Variants in ATL2 observed in about 807,000 individuals in gnomAD.
The protein encoded by ATL2 is atlastin GTPase 2.
Under a neutral mutation model 73.9 loss-of-function variants are expected in ATL2, and 31 were observed. The ratio of observed to expected loss-of-function variants is 0.42; its 90% CI spans 0.32 to 0.57. ATL2 has a LOEUF of 0.57. Ranked by LOEUF, ATL2 falls within the 20% of genes least tolerant of loss-of-function variation. The pLI is 0.14. For synonymous variants in ATL2, 291 were observed against 237.5 expected (o/e 1.23, Z -2.07); for missense variants, 738 against 702.6 (o/e 1.05, Z -0.57).
chr2:38,296,789 A>G (rs1223007626), intron 12 of ATL2: 4 of 1,524,320 alleles, frequency 2.6e-6, no homozygotes, highest in African/African-American at 2.8e-5. Context: ...TACCTTACCT[A>G]AACTATACTG....
At position 38,318,970 on chromosome 2, in the gene ATL2, G is replaced by C; in HGVS notation, c.413C>G (p.Thr138Arg). ...GGNNEPLTGF[T>R]WRGGCERETT... The stretch of plus-strand genomic sequence containing the variant: ...TTCTCTTTCACAGCCACCTCGCCAT[G>C]TAAAGCCTGTCAATGGTTCATTGTT... Residue 138 changes from threonine to arginine, a missense_variant, in exon 3 of 13, where the codon ACA becomes AGA. Coordinates refer to ENST00000378954, the MANE Select transcript of ATL2 (RefSeq NM_001135673.4). 2 of 1,613,958 alleles carry C rather than the reference G, an allele frequency of 1.2e-6. No individual in the cohort carries two copies. Among genetic ancestry groups the C allele is most frequent in the Non-Finnish European group, 1.7e-6 (2 of 1,179,908 alleles).
In ATL2 at chr2:38,354,271, C is replaced by T. The variant is rs1670534222; in HGVS notation, c.119-10759G>A. The stretch of plus-strand genomic sequence containing the variant: ...TCTTCAGGCTGAAATGAAACATTAT[C>T]AAATGGAAAGTCTCTTTATTCCTTC... On this transcript the variant is annotated intron_variant, in intron 1 of 12. Coordinates refer to ENST00000378954, the MANE Select transcript of ATL2 (RefSeq NM_001135673.4). 1.8e-4 allele frequency: 55 copies of T among 307,234 alleles called. 1 individual carries two copies. The highest frequency in any genetic ancestry group is 1.3e-3 in the South Asian group (53 of 41,874). 19.0% of individuals were successfully genotyped at this position (307,234 alleles called of 1,614,324 possible).
At chr2:38,312,284 T>C (rs574826259) in intron 7 of ATL2, among the ~76,000 whole-genome samples, 3 of 152,212 alleles carry the variant, frequency 2.0e-5, no homozygotes, top group Admixed American at 6.5e-5. Flanking sequence ...AGGGGCCTGG[T>C]TGGAGGTGAT....
chr2:38,340,656 G>A (rs1180737152), intron 2 of ATL2, among the ~76,000 whole-genome samples: 1 of 152,074 alleles, frequency 6.6e-6, no homozygotes, highest in Non-Finnish European at 1.5e-5. Context: ...ACCTGTGCAG[G>A]CATACAGGTT....
chr2:38,371,847 A>C (rs901499580), intron 1 of ATL2, among the ~76,000 whole-genome samples: 1 of 151,530 alleles, frequency 6.6e-6, no homozygotes, highest in Admixed American at 6.6e-5. Flanking sequence ...CAGTGAGCCA[A>C]GATCACGCCA....
chr2:38,343,594 T>G, intron 1 of ATL2, 82 bp from the exon 2 acceptor site: 2 of 1,300,746 alleles, frequency 1.5e-6, no homozygotes, highest in Non-Finnish European at 2.1e-6. Flanking sequence ...AAAGCAAAAT[T>G]TCAAGTAAGT....
intron 1 of ATL2, among the ~76,000 whole-genome samples, chr2:38,360,256 A>ATTATTTTT (rs1479165183): frequency 7.5e-6 from 1 of 133,012 alleles, no homozygotes; most frequent in African/African-American, 3.4e-5. Context: ...GGCTCAGGGG[A>ATTATTTTT]TTCTTTTTTT....
intron 8 of ATL2, 145 bp from the exon 9 acceptor site, chr2:38,309,651 C>T (rs1174168925): frequency 1.2e-6 from 1 of 838,624 alleles, no homozygotes; most frequent in African/African-American, 1.8e-5. Context: ...AAAGCTCATC[C>T]AACATGCCAT....
chr2:38,332,528 T>C (rs186974688), intron 2 of ATL2, among the ~76,000 whole-genome samples: 28 of 152,254 alleles, frequency 1.8e-4, no homozygotes, highest in Admixed American at 1.1e-3. Flanking sequence ...TTTAAATTAA[T>C]TGGGGTAATA....
chr2:38,303,224 G>C (rs1302966177), intron 9 of ATL2, among the ~76,000 whole-genome samples: 1 of 151,808 alleles, frequency 6.6e-6, no homozygotes, highest in Non-Finnish European at 1.5e-5. Flanking sequence ...TTATTTTTTT[G>C]AGACAGGGTT....
rs532749682 is a variant in ATL2 at position 38,299,248 on chromosome 2, G to A, written c.1200+8C>T. On this transcript the variant is annotated splice_region_variant and intron_variant, in intron 11 of 12. Coordinates refer to ENST00000378954, the MANE Select transcript of ATL2 (RefSeq NM_001135673.4). ...CTCCAGCATCAAATTTAAATTTTAGGTACAAACCTGTTCCATACTTTTACA... is the reference window on the plus strand; with the variant it reads ...CTCCAGCATCAAATTTAAATTTTAGATACAAACCTGTTCCATACTTTTACA... The A allele has an allele frequency of 4.1e-5, 61 of 1,492,740 alleles. 1 individual carries two copies. The South Asian group carries it at 8.4e-4, about 21-fold the overall frequency. The allele number at this position is 1,492,740 out of a possible 1,614,324, so 92.5% of individuals were successfully genotyped here.
intron 9 of ATL2, among the ~76,000 whole-genome samples, chr2:38,303,078 A>G (rs1206969146): frequency 6.6e-6 from 1 of 152,234 alleles, no homozygotes; most frequent in Admixed American, 6.5e-5. Context: ...TCAAGATAAC[A>G]CAGAGAAGGA....
chr2:38,302,373 C>T (rs1480344363), intron 9 of ATL2, among the ~76,000 whole-genome samples: 1 of 152,122 alleles, frequency 6.6e-6, no homozygotes, highest in Non-Finnish European at 1.5e-5. Context: ...GCAGGCGGAT[C>T]ACCAGAGAGC....
rs1440849986 is a variant in ATL2 at position 38,319,029 on chromosome 2, T to A, written c.364-10A>T. 6.2e-7 allele frequency: 1 copy of A among 1,608,764 alleles called. No individual in the cohort carries two copies. The highest frequency in any genetic ancestry group is 1.3e-5 in the African/African-American group (1 of 74,670). ...TCCAACTTTGAGAATCCTGTTAAAG[T>A]CAAGGATAAATGTAAAATACAACAC... On this transcript the variant is annotated splice_polypyrimidine_tract_variant and intron_variant, in intron 2 of 12. Coordinates refer to ENST00000378954, the MANE Select transcript of ATL2 (RefSeq NM_001135673.4).
chr2:38,351,612 G>A (rs1464061898), intron 1 of ATL2, among the ~76,000 whole-genome samples: 1 of 151,566 alleles, frequency 6.6e-6, no homozygotes, highest in East Asian at 2.0e-4. Flanking sequence ...TTCTGTCACA[G>A]CCTCCAGAGT....
At chr2:38,361,512 G>A (rs936681935) in intron 1 of ATL2, among the ~76,000 whole-genome samples, 1 of 152,126 alleles carries the variant, frequency 6.6e-6, no homozygotes, top group African/African-American at 2.4e-5. Context: ...ACCACTTTCA[G>A]GACAGGTGCA....
At chr2:38,299,932 T>C (rs1360046014) in intron 10 of ATL2, among the ~76,000 whole-genome samples, 3 of 152,176 alleles carry the variant, frequency 2.0e-5, no homozygotes, top group Non-Finnish European at 2.9e-5. Flanking sequence ...CCAAACAACA[T>C]TCATTGTCAA....
chr2:38,371,188 T>C (rs1401026222), intron 1 of ATL2, among the ~76,000 whole-genome samples: 1 of 150,514 alleles, frequency 6.6e-6, no homozygotes, highest in Non-Finnish European at 1.5e-5. Context: ...ATAGGGTTTA[T>C]CTCTTTAATT....
intron 9 of ATL2, among the ~76,000 whole-genome samples, chr2:38,308,707 C>G (rs549732050): frequency 1.3e-5 from 2 of 151,948 alleles, no homozygotes; most frequent in South Asian, 4.1e-4. Context: ...TCAAAAATAT[C>G]TCATGTACCC....
Sources: gnomAD v4.1 joint callset for allele counts (sites outside exome capture counted in the v4.1 genomes callset) on GRCh38, gnomAD v4.1.1 for gene constraint, MANE v1.5 for transcripts, NCBI Gene and HGNC (gene_info 2026-07-23, HGNC 2026-07-21) for gene names.